Variants in GPAM observed in about 807,000 individuals in gnomAD.
GPAM encodes glycerol-3-phosphate acyltransferase, mitochondrial.
In GPAM, 56 loss-of-function variants were observed where a neutral mutation model predicts 105.0. The observed-to-expected ratio is 0.53, with a 90% CI of 0.43 to 0.67. The LOEUF is 0.67. GPAM is among the 30% of genes least tolerant of loss of function. The pLI is 0.00. For missense variants in GPAM, 855 were observed against 989.8 expected, an observed-to-expected ratio of 0.86 and a Z score of 1.83; for synonymous variants, 368 against 354.4, an observed-to-expected ratio of 1.04 and a Z score of -0.43.
At chr10:112,223,689 G>C in the GPAM span, among the ~76,000 whole-genome samples, 5,673 of 152,258 alleles carry the variant, frequency 0.037, 218 homozygotes, top group African/African-American at 0.1. Context: ...CTAAGACAGG[G>C]TTTGCAAACT....
At chr10:112,188,440 A>G (rs1847619872), upstream of GPAM, among the ~76,000 whole-genome samples, 1 of 152,084 alleles carries the variant, frequency 6.6e-6, no homozygotes, top group African/African-American at 2.4e-5. Flanking sequence ...CAGATGTTAG[A>G]TTTCCTGTCT....
chr10:112,172,269 T>C lies in GPAM; in HGVS notation c.707A>G (p.Tyr236Cys). The C allele has an allele frequency of 6.2e-7, 1 of 1,610,548 alleles. No individual in the cohort carries two copies. Among genetic ancestry groups the C allele is most frequent in the Non-Finnish European group, 8.5e-7 (1 of 1,176,800 alleles). ...GAAGAGAATGAAAGTGAGCAGCAGA[T>C]AGTCAATATGGGATCTATGAACTGG... The part of the protein sequence containing the change: ...FLPVHRSHID[Y>C]LLLTFILFCH... The change falls in exon 9 of 22, where the codon TAT (tyrosine) becomes TGT (cysteine). Residue 236 changes from tyrosine (Y) to cysteine (C), a missense_variant. Transcript: ENST00000348367.
At chr10:112,189,692 G>C (rs568340418) in intron 1 of GPAM, among the ~76,000 whole-genome samples, 1 of 152,282 alleles carries the variant, frequency 6.6e-6, no homozygotes, top group East Asian at 1.9e-4. Flanking sequence ...CTGAGAGCAA[G>C]GCAAACTGAG....
intron 1 of GPAM, among the ~76,000 whole-genome samples, chr10:112,213,518 G>C (rs1316287264): frequency 2.0e-5 from 3 of 152,164 alleles, no homozygotes; most frequent in Admixed American, 2.0e-4. Flanking sequence ...AGTTATAAAG[G>C]CATGAACCCT....
At chr10:112,214,569 AC>A (rs1406637144) in intron 1 of GPAM, among the ~76,000 whole-genome samples, 1 of 152,166 alleles carries the variant, frequency 6.6e-6, no homozygotes, top group Non-Finnish European at 1.5e-5. Flanking sequence ...TCAGAAAACA[AC>A]CCTGAGTAGG....
intron 3 of GPAM, among the ~76,000 whole-genome samples, chr10:112,180,797 T>G (rs747905204): frequency 6.6e-6 from 1 of 152,166 alleles, no homozygotes; most frequent in Non-Finnish European, 1.5e-5. Context: ...AGGATAGTAA[T>G]AGCTACACAC....
In GPAM at chr10:112,152,754, T is replaced by C. The variant is rs1461381203; in HGVS notation, c.*796A>G. On this transcript the variant is annotated 3_prime_UTR_variant, in exon 22 of 22. Transcript: ENST00000348367. The stretch of plus-strand genomic sequence containing the variant: ...CATAAAACAGGAAGGGTTCTAAATA[T>C]ATTTGCTGGTCATTTGAAACTCAAT... 25 of 915,310 alleles carry C rather than the reference T, an allele frequency of 2.7e-5. No homozygotes were observed. The highest frequency in any genetic ancestry group is 3.1e-5 in the Non-Finnish European group (24 of 766,028). The allele number at this position is 915,310 out of a possible 1,614,324, so 56.7% of individuals were successfully genotyped here.
chr10:112,167,720 G>A (rs1847242933), intron 11 of GPAM, among the ~76,000 whole-genome samples: 1 of 152,244 alleles, frequency 6.6e-6, no homozygotes, highest in Admixed American at 6.5e-5. Context: ...GATAGGAGAA[G>A]CACAAGGAGG....
At chr10:112,196,188 G>C (rs1280458244) in intron 1 of GPAM, among the ~76,000 whole-genome samples, 1 of 152,136 alleles carries the variant, frequency 6.6e-6, no homozygotes, top group Non-Finnish European at 1.5e-5. Flanking sequence ...TATTTTTATT[G>C]TTTCTCCCTC....
At chr10:112,158,436 A>C in intron 17 of GPAM, 43 bp from the exon 18 acceptor site, 2 of 1,234,180 alleles carry the variant, frequency 1.6e-6, no homozygotes, top group Non-Finnish European at 2.4e-6. Flanking sequence ...ACCATTTTAT[A>C]CTTCTTTTTT....
chr10:112,224,866 G>T, the GPAM span, among the ~76,000 whole-genome samples: 1 of 152,074 alleles, frequency 6.6e-6, no homozygotes, highest in South Asian at 2.1e-4. Flanking sequence ...ATGCATGTGC[G>T]ATAGTCACCG....
At chr10:112,217,417 T>A (rs531568644), upstream of GPAM, among the ~76,000 whole-genome samples, 1 of 152,092 alleles carries the variant, frequency 6.6e-6, no homozygotes, top group South Asian at 2.1e-4. Context: ...GGAGGACATT[T>A]GGGTGGTTTC....
At chr10:112,201,822 G>C (rs932509750) in intron 1 of GPAM, among the ~76,000 whole-genome samples, 4 of 152,046 alleles carry the variant, frequency 2.6e-5, no homozygotes, top group Non-Finnish European at 5.9e-5. Flanking sequence ...TAGTCACTGC[G>C]TAGTCCCCAG....
the GPAM span, among the ~76,000 whole-genome samples, chr10:112,225,533 G>C: frequency 6.6e-6 from 1 of 152,180 alleles, no homozygotes; most frequent in African/African-American, 2.4e-5. Flanking sequence ...ACATGGGGAA[G>C]CAAAGGGGAA....
At chr10:112,185,059 G>A (rs951993953), upstream of GPAM, among the ~76,000 whole-genome samples, 10 of 152,118 alleles carry the variant, frequency 6.6e-5, no homozygotes, top group African/African-American at 4.8e-5. Flanking sequence ...CTGGCACCCC[G>A]ACTGGAAAAC....
At chr10:112,175,540 C>T in intron 6 of GPAM, 60 bp downstream of exon 6, 2 of 853,162 alleles carry the variant, frequency 2.3e-6, no homozygotes, top group East Asian at 2.4e-5. Context: ...TTACTTCCCC[C>T]TCCCACTCCT....
chr10:112,175,480 G>T, intron 6 of GPAM, 120 bp downstream of exon 6: 1 of 723,846 alleles, frequency 1.4e-6, no homozygotes, highest in Non-Finnish European at 2.5e-6. Flanking sequence ...GTTTGGAAAT[G>T]TGAACACTTC....
chr10:112,183,298 C>T (rs1156936577), intron 1 of GPAM, among the ~76,000 whole-genome samples: 1 of 152,246 alleles, frequency 6.6e-6, no homozygotes, highest in Admixed American at 6.5e-5. Context: ...AGCGCTCAGT[C>T]CAATCAATGG....
rs1382939454 is a variant in GPAM, at chr10:112,150,471, A to G, written c.*3079T>C. 1 of 985,320 alleles carries G rather than the reference A, an allele frequency of 1.0e-6. No individual in the cohort carries two copies. Among genetic ancestry groups the G allele is most frequent in the African/African-American group, 1.7e-5 (1 of 57,222 alleles). 61.0% of individuals were successfully genotyped at this position (985,320 alleles called of 1,614,324 possible). A position where few individuals can be genotyped will look rare whatever the true frequency, so the allele number is the denominator to read the frequency against. The stretch of plus-strand genomic sequence containing the variant: ...ATTTTCTGCAGGGGAGGAAATACAC[A>G]TCTATTCAACGCCACACTGGACGTT... On this transcript the variant is annotated 3_prime_UTR_variant, in exon 22 of 22. Transcript: ENST00000348367.
Sources: gnomAD v4.1 joint callset for allele counts (sites outside exome capture counted in the v4.1 genomes callset) on GRCh38, gnomAD v4.1.1 for gene constraint, MANE v1.5 for transcripts, NCBI Gene and HGNC (gene_info 2026-07-23, HGNC 2026-07-21) for gene names.